Variants in DGKG observed in about 807,000 individuals in gnomAD.
DGKG encodes the protein diacylglycerol kinase gamma.
In DGKG, 78 loss-of-function variants were observed where a neutral mutation model predicts 105.3. The observed-to-expected ratio is 0.74, with a 90% CI of 0.62 to 0.89. The LOEUF (loss-of-function observed/expected upper bound fraction) is 0.89, where lower values mean the gene tolerates loss of function less well. DGKG is among the 40% of genes least tolerant of loss of function. DGKG has a pLI of 0.00. For missense variants in DGKG, 958 were observed against 1,020.1 expected, an observed-to-expected ratio of 0.94 and a Z score of 0.83; for synonymous variants, 346 against 367.1, an observed-to-expected ratio of 0.94 and a Z score of 0.66.
At chr3:186,157,715 T>C (rs1716103910) in intron 24 of DGKG, among the ~76,000 whole-genome samples, 1 of 152,212 alleles carries the variant, frequency 6.6e-6, no homozygotes, top group African/African-American at 2.4e-5. Context: ...ACAATTTTTT[T>C]TCTTTTGAGA....
intron 1 of DGKG, among the ~76,000 whole-genome samples, chr3:186,335,873 C>T (rs548628581): frequency 2.1e-4 from 32 of 152,198 alleles, no homozygotes; most frequent in Admixed American, 7.8e-4. Context: ...AAAATCGAAA[C>T]GATTTAAATG....
At chr3:186,355,291 C>CCAACAA (rs1726879470) in intron 1 of DGKG, among the ~76,000 whole-genome samples, 2 of 25,070 alleles carry the variant, frequency 8.0e-5, no homozygotes, top group Non-Finnish European at 1.3e-4. Context: ...ATCATCATCA[C>CCAACAA]CACCATTATT....
chr3:186,150,578 C>T (rs1214187448), intron 24 of DGKG, among the ~76,000 whole-genome samples: 1 of 152,128 alleles, frequency 6.6e-6, no homozygotes, highest in African/African-American at 2.4e-5. Context: ...CAATTAGAGC[C>T]CAGTTCTTCA....
At chr3:186,325,648 C>T (rs1050906211) in intron 1 of DGKG, among the ~76,000 whole-genome samples, 9 of 151,700 alleles carry the variant, frequency 5.9e-5, no homozygotes, top group Admixed American at 1.3e-4. Context: ...TAAGAGCTTT[C>T]CCTTCTGTTA....
At chr3:186,287,137 A>T (rs1456685082) in intron 6 of DGKG, among the ~76,000 whole-genome samples, 2 of 152,198 alleles carry the variant, frequency 1.3e-5, no homozygotes, top group South Asian at 4.1e-4. Flanking sequence ...ACCAGTGGTG[A>T]TGTATGAATT....
intron 1 of DGKG, among the ~76,000 whole-genome samples, chr3:186,325,321 A>T (rs899593141): frequency 5.9e-5 from 9 of 152,196 alleles, no homozygotes. Context: ...GGGTGATGGG[A>T]TCATTCATAC....
intron 14 of DGKG, 41 bp from the exon 15 acceptor site, chr3:186,261,819 C>T: frequency 7.7e-7 from 1 of 1,307,102 alleles, no homozygotes; most frequent in Non-Finnish European, 1.1e-6. Flanking sequence ...CTGCTTCATC[C>T]AATAGGGGGC....
At chr3:186,199,517 C>T (rs1384527996) in intron 21 of DGKG, among the ~76,000 whole-genome samples, 1 of 151,682 alleles carries the variant, frequency 6.6e-6, no homozygotes, top group African/African-American at 2.4e-5. Flanking sequence ...ATTTGTATTC[C>T]CATTTATTTT....
chr3:186,263,436 G>A (rs981917527), intron 14 of DGKG, among the ~76,000 whole-genome samples: 2 of 149,944 alleles, frequency 1.3e-5, no homozygotes, highest in African/African-American at 2.5e-5. Context: ...GTGTAGTGGC[G>A]CATGCCTGTA....
chr3:186,329,445 A>G (rs1725498383), intron 1 of DGKG, among the ~76,000 whole-genome samples: 1 of 152,198 alleles, frequency 6.6e-6, no homozygotes, highest in Admixed American at 6.5e-5. Flanking sequence ...CTCTCTATTC[A>G]TTTGAATGAA....
chr3:186,214,082 GA>G (rs771540608), intron 20 of DGKG, among the ~76,000 whole-genome samples: 115 of 152,286 alleles, frequency 7.6e-4, no homozygotes, highest in Non-Finnish European at 1.2e-3. Context: ...ATTGCCAGGA[GA>G]TTTAGAGTTT....
intron 22 of DGKG, among the ~76,000 whole-genome samples, chr3:186,181,546 A>G (rs1578630930): frequency 6.6e-6 from 1 of 152,200 alleles, no homozygotes; most frequent in East Asian, 1.9e-4. Flanking sequence ...TAGTCTGGCC[A>G]GCATGGCGAA....
rs555459128 is a variant in DGKG, at chr3:186,351,431, C to G, written c.-249+10515G>C. Among the ~76,000 whole-genome samples, 24 of 152,300 alleles carry G rather than the reference C, an allele frequency of 1.6e-4. No individual in the cohort carries two copies. The South Asian group carries it at 2.9e-3, about 18-fold the overall frequency. Reference sequence around the variant, plus strand: ...GTTAAAAATACTGGTTCGAGGCCCCCTTCCCACACCTCTGGCTCAGAGTCT... The same window carrying G: ...GTTAAAAATACTGGTTCGAGGCCCCGTTCCCACACCTCTGGCTCAGAGTCT... On this transcript the variant is annotated intron_variant, in intron 1 of 24. Coordinates refer to ENST00000265022, the MANE Select transcript of DGKG (RefSeq NM_001346.3).
intron 9 of DGKG, chr3:186,279,230 A>G (rs773874897): frequency 6.6e-6 from 1 of 152,210 alleles, no homozygotes. Context: ...ACACCTTCCA[A>G]GGTTTCTTCC....
rs186349209 is a variant in DGKG at position 186,284,473 on chromosome 3, C to T, written c.594+187G>A. On this transcript the variant is annotated intron_variant, in intron 7 of 24. Coordinates refer to ENST00000265022, the MANE Select transcript of DGKG (RefSeq NM_001346.3). This position sits in a 1 kb window ranked among gnomAD's most constrained non-coding sequence, Gnocchi z 4.0. ...GAGCGAAAAGGTAAGTTGGCATTCA[C>T]GCTCTGCAAGGCCGGCCCTTTGGAA... Among the ~76,000 whole-genome samples the T allele has an allele frequency of 3.3e-5, 5 of 152,296 alleles. No individual in the cohort carries two copies. The highest frequency in any genetic ancestry group is 1.9e-4 in the East Asian group (1 of 5,180).
At chr3:186,280,609 T>C (rs1042881795) in intron 8 of DGKG, 61 bp downstream of exon 8, 58 of 1,319,012 alleles carry the variant, frequency 4.4e-5, no homozygotes, top group Non-Finnish European at 5.5e-5. Flanking sequence ...ATGTCTTGAG[T>C]GTGTCCCCCT....
intron 22 of DGKG, among the ~76,000 whole-genome samples, chr3:186,187,179 G>A (rs371635090): frequency 2.0e-5 from 3 of 152,244 alleles, no homozygotes; most frequent in Non-Finnish European, 4.4e-5. Flanking sequence ...CTGCTCTGAT[G>A]TGGTGGTGAG....
intron 19 of DGKG, among the ~76,000 whole-genome samples, chr3:186,247,097 T>C (rs763161862): frequency 1.3e-5 from 2 of 152,166 alleles, no homozygotes; most frequent in Non-Finnish European, 2.9e-5. Flanking sequence ...GGAAGTGGCA[T>C]CCTGAATGAC....
chr3:186,156,823 C>T (rs544254042), intron 24 of DGKG, among the ~76,000 whole-genome samples: 8 of 151,786 alleles, frequency 5.3e-5, no homozygotes, highest in East Asian at 3.9e-4. Flanking sequence ...ATATTAATGC[C>T]GGAAAACTTA....
Sources: allele counts gnomAD v4.1 joint callset (sites outside exome capture counted in the v4.1 genomes callset), GRCh38; gene constraint gnomAD v4.1.1; non-coding constraint Gnocchi (gnomAD v3.1); transcripts MANE v1.5; gene names NCBI Gene and HGNC (gene_info 2026-07-23, HGNC 2026-07-21).